GABRG3: variants seen among roughly 807,000 people sequenced by gnomAD.
GABRG3 encodes the protein gamma-aminobutyric acid receptor subunit gamma-3.
A neutral mutation model predicts 48.8 loss-of-function variants in GABRG3; 25 were observed. That is an observed-to-expected ratio of 0.51 (90% confidence interval 0.37 to 0.72). The LOEUF is 0.72. Ranked by LOEUF, GABRG3 falls within the 30% of genes least tolerant of loss-of-function variation. The pLI is 0.00. For missense variants in GABRG3, 394 were observed against 577.9 expected, an observed-to-expected ratio of 0.68 and a Z score of 3.26; for synonymous variants, 227 against 217.6, an observed-to-expected ratio of 1.04 and a Z score of -0.38.
At chr15:27,293,466 G>C (rs1005010478) in intron 3 of GABRG3, among the ~76,000 whole-genome samples, 1 of 151,978 alleles carries the variant, frequency 6.6e-6, no homozygotes, top group African/African-American at 2.4e-5. Flanking sequence ...CTTGAGGCCA[G>C]GAGTTGGAGA....
At chr15:27,019,122 G>A (rs1401686592) in intron 2 of GABRG3, among the ~76,000 whole-genome samples, 1 of 123,018 alleles carries the variant, frequency 8.1e-6, no homozygotes, top group African/African-American at 3.1e-5. Context: ...CGGCTGGAGT[G>A]CTGTGGTGCG....
intron 5 of GABRG3, among the ~76,000 whole-genome samples, chr15:27,439,872 C>T (rs1432742492): frequency 6.6e-6 from 1 of 152,166 alleles, no homozygotes; most frequent in East Asian, 1.9e-4. Flanking sequence ...CAGTATAACC[C>T]GCAGGGCATA....
intron 5 of GABRG3, among the ~76,000 whole-genome samples, chr15:27,409,186 A>G (rs544767277): frequency 6.6e-6 from 1 of 152,114 alleles, no homozygotes; most frequent in South Asian, 2.1e-4. Context: ...CATTGTCTAG[A>G]CTGCTGTCTG....
intron 5 of GABRG3, among the ~76,000 whole-genome samples, chr15:27,411,235 T>C (rs1194087243): frequency 1.3e-5 from 2 of 152,126 alleles, no homozygotes; most frequent in East Asian, 3.9e-4. Context: ...TGGATATGGC[T>C]TTCTTCACTG....
chr15:27,373,565 A>C (rs529403262), intron 5 of GABRG3, among the ~76,000 whole-genome samples: 1 of 152,346 alleles, frequency 6.6e-6, no homozygotes, highest in South Asian at 2.1e-4. Context: ...TAGTTTTAAC[A>C]ATGTCTATTA....
intron 5 of GABRG3, chr15:27,350,463 C>G (rs1894526308): frequency 3.3e-6 from 1 of 306,812 alleles, no homozygotes; most frequent in Non-Finnish European, 6.5e-6. Flanking sequence ...TGGACACATT[C>G]AGTATAAGCA....
chr15:27,309,091 A>G (rs1892897175), intron 3 of GABRG3, among the ~76,000 whole-genome samples: 1 of 151,412 alleles, frequency 6.6e-6, no homozygotes, highest in Non-Finnish European at 1.5e-5. Context: ...ATAGAAATAT[A>G]ATGTAAACAC....
At chr15:27,026,673 A>T (rs543654775) in intron 2 of GABRG3, 81 bp from the exon 3 acceptor site, 1 of 919,144 alleles carries the variant, frequency 1.1e-6, no homozygotes, top group South Asian at 1.7e-5. Context: ...GATGCTATGT[A>T]TGAGACTTTA....
chr15:27,405,848 A>C (rs925185195), intron 5 of GABRG3, among the ~76,000 whole-genome samples: 1 of 145,220 alleles, frequency 6.9e-6, no homozygotes, highest in African/African-American at 2.7e-5. Flanking sequence ...TGATTCTAGG[A>C]CTGGGGGAGG....
At chr15:27,434,060 C>A (rs1384386269) in intron 5 of GABRG3, among the ~76,000 whole-genome samples, 1 of 152,332 alleles carries the variant, frequency 6.6e-6, no homozygotes, top group East Asian at 1.9e-4. Flanking sequence ...AGGCCGTGAT[C>A]TGACCCAGGA....
intron 3 of GABRG3, among the ~76,000 whole-genome samples, chr15:27,223,919 A>G (rs555735740): frequency 2.4e-4 from 37 of 152,234 alleles, no homozygotes; most frequent in African/African-American, 8.7e-4. Context: ...AAATTTCAGA[A>G]CCTGTCTGGG....
intron 5 of GABRG3, among the ~76,000 whole-genome samples, chr15:27,437,273 A>G (rs1382418141): frequency 6.6e-6 from 1 of 152,236 alleles, no homozygotes; most frequent in Non-Finnish European, 1.5e-5. Flanking sequence ...ACAAGTTTAT[A>G]TGTTTTAGAG....
At position 27,041,400 on chromosome 15, in the gene GABRG3, T is replaced by C. The variant is rs139805009; in HGVS notation, c.270+14579T>C. 1.2e-3 allele frequency among the ~76,000 whole-genome samples: 188 copies of C among 152,244 alleles called. 3 individuals are homozygous for C. The highest frequency in any genetic ancestry group is 1.9e-3 in the Admixed American group (29 of 15,288). On this transcript the variant is annotated intron_variant, in intron 3 of 9. Transcript: ENST00000615808. Reference sequence around the variant, plus strand: ...GTTTTCCCATGTTGCCCAGCTGGTCTCAAACTCCTGAGCTCAAGCATCTTC... The same window carrying C: ...GTTTTCCCATGTTGCCCAGCTGGTCCCAAACTCCTGAGCTCAAGCATCTTC...
chr15:27,346,785 CCTT>C (rs199677705), intron 5 of GABRG3, among the ~76,000 whole-genome samples: 6,564 of 152,158 alleles, frequency 0.043, 296 homozygotes, highest in African/African-American at 0.11. Context: ...TATATCATTT[CCTT>C]CTTCTTGTTT....
intron 3 of GABRG3, among the ~76,000 whole-genome samples, chr15:27,054,834 A>G (rs1398650145): frequency 6.6e-6 from 1 of 152,010 alleles, no homozygotes; most frequent in Admixed American, 6.6e-5. Flanking sequence ...ACCAGCGGGG[A>G]ACTACCTGTC....
intron 5 of GABRG3, among the ~76,000 whole-genome samples, chr15:27,337,957 C>T (rs916039630): frequency 3.9e-5 from 6 of 152,160 alleles, no homozygotes; most frequent in African/African-American, 1.4e-4. Context: ...AGGAAGATAC[C>T]TTCAAGTGCA....
intron 3 of GABRG3, among the ~76,000 whole-genome samples, chr15:27,036,419 G>A (rs1012612875): frequency 8.5e-5 from 13 of 152,190 alleles, no homozygotes; most frequent in Non-Finnish European, 1.9e-4. Flanking sequence ...CCGGCCGGGC[G>A]CGGTGGCTCA....
chr15:27,352,526 G>A lies in GABRG3; in HGVS notation c.574+23638G>A, dbSNP rs1894657040. Among the ~76,000 whole-genome samples the A allele has an allele frequency of 6.6e-6, 1 of 152,054 alleles. No individual in the cohort carries two copies. The highest frequency in any genetic ancestry group is 1.5e-5 in the Non-Finnish European group (1 of 68,002). ...CCTAGGAATGAGAACACAGGGGCCG[G>A]CAGTGTGTCTGGATGAGGAACTGTG... is the stretch of plus-strand genomic sequence containing the variant. On this transcript the variant is annotated intron_variant, in intron 5 of 9. Transcript: ENST00000615808. The surrounding 1 kb of genome is among the most constrained non-coding windows in gnomAD (Gnocchi z 4.0).
At chr15:27,173,925 A>C (rs957680110) in intron 3 of GABRG3, among the ~76,000 whole-genome samples, 1 of 152,160 alleles carries the variant, frequency 6.6e-6, no homozygotes, top group African/African-American at 2.4e-5. Context: ...CTACAACATC[A>C]AAGAAAACAG....
Sources: allele counts gnomAD v4.1 joint callset (sites outside exome capture counted in the v4.1 genomes callset), GRCh38; gene constraint gnomAD v4.1.1; non-coding constraint Gnocchi (gnomAD v3.1); transcripts MANE v1.5; gene names NCBI Gene and HGNC (gene_info 2026-07-23, HGNC 2026-07-21).